Variants in NAP1L4 observed in about 807,000 individuals in gnomAD.
NAP1L4 encodes nucleosome assembly protein 1 like 4.
Under a neutral mutation model 58.2 loss-of-function variants are expected in NAP1L4, and 15 were observed. That is an observed-to-expected ratio of 0.26 (90% CI 0.17 to 0.40). NAP1L4 has a LOEUF of 0.40. Among genes scored for constraint, NAP1L4 ranks in the 10% least tolerant of loss-of-function variants. The probability of loss-of-function intolerance (pLI) is 1.00; values close to 1 mark genes in which losing one functional copy is unlikely to be tolerated. For missense variants in NAP1L4, 384 were observed against 451.1 expected (o/e 0.85, Z 1.35); for synonymous variants, 171 against 155.6 (o/e 1.10, Z -0.74).
rs1564990154 is a variant in NAP1L4 at position 2,981,418 on chromosome 11, C to CCAAA, written c.-17-2182_-17-2181insTTTG. ...GGACAACAGAGCAAGTACCCTGTCT[C>CCAAA]AAAAAAAAAAAAAAAAAAAAAAAAA... is the stretch of plus-strand genomic sequence containing the variant. On this transcript the variant is annotated intron_variant, in intron 1 of 15. Coordinates refer to ENST00000380542, the MANE Select transcript of NAP1L4 (RefSeq NM_005969.4). Among the ~76,000 whole-genome samples, 3 of 41,284 alleles carry CCAAA rather than the reference C, an allele frequency of 7.3e-5. 1 individual carries two copies. The highest frequency in any genetic ancestry group is 6.4e-5 in the African/African-American group (1 of 15,706). 27.1% of individuals were successfully genotyped at this position (41,284 alleles called of 152,430 possible). A position where few individuals can be genotyped will look rare whatever the true frequency, so the allele number is the denominator to read the frequency against.
chr11:2,964,970 A>G (rs1847175817), intron 7 of NAP1L4, among the ~76,000 whole-genome samples: 1 of 152,194 alleles, frequency 6.6e-6, no homozygotes, highest in African/African-American at 2.4e-5. Context: ...CCTAGTGTGG[A>G]GCAACGGTGG....
intron 10 of NAP1L4, 75 bp downstream of exon 10, chr11:2,958,324 G>A: frequency 7.6e-6 from 11 of 1,449,630 alleles, no homozygotes; most frequent in Non-Finnish European, 1.1e-5. Context: ...AAGTCTCTGG[G>A]TGTTAGGAAT....
intron 10 of NAP1L4, 165 bp downstream of exon 10, chr11:2,958,234 C>T (rs188748403): frequency 1.3e-6 from 1 of 743,028 alleles, no homozygotes; most frequent in East Asian, 2.7e-5. Context: ...CCGCGATAAA[C>T]TTGCCAGCGC....
Position 2,955,676 on chromosome 11 carries a change from T to C in NAP1L4, c.915+68A>G, listed in dbSNP as rs966846884. On this transcript the variant is annotated intron_variant, in intron 11 of 15. Coordinates refer to ENST00000380542, the MANE Select transcript of NAP1L4 (RefSeq NM_005969.4). This position sits in a 1 kb window ranked among gnomAD's most constrained non-coding sequence, Gnocchi z 4.2. ...CCAGGACTGGACTTTTTTTAACAAG[T>C]AGACAAGTAGACATTCACTCAGGAG... 46 of 1,486,974 alleles carry C rather than the reference T, an allele frequency of 3.1e-5. No individual in the cohort carries two copies. The highest frequency in any genetic ancestry group is 3.6e-5 in the Non-Finnish European group (39 of 1,076,980). The allele number at this position is 1,486,974 out of a possible 1,614,324, so 92.1% of individuals were successfully genotyped here. A position where few individuals can be genotyped will look rare whatever the true frequency, so the allele number is the denominator to read the frequency against.
chr11:2,966,349 C>G (rs1847277100), intron 7 of NAP1L4, among the ~76,000 whole-genome samples: 1 of 152,196 alleles, frequency 6.6e-6, no homozygotes, highest in Non-Finnish European at 1.5e-5. Flanking sequence ...TAGCCACATT[C>G]ACCCTACAGT....
chr11:2,947,315 A>T lies in NAP1L4; in HGVS notation c.*33-1669T>A, dbSNP rs557945347. On this transcript the variant is annotated intron_variant, in intron 15 of 15. Coordinates refer to ENST00000380542, the MANE Select transcript of NAP1L4 (RefSeq NM_005969.4). ...TATTCATCTGTCCTAAATAAAACCA[A>T]TATCCTGGGTGAAGACTGCTAGAGG... is the stretch of plus-strand genomic sequence containing the variant. Among the ~76,000 whole-genome samples, 25 of 152,362 alleles carry T rather than the reference A, an allele frequency of 1.6e-4. No homozygotes were observed. The East Asian group carries it at 4.8e-3, about 29-fold the overall frequency.
At chr11:2,966,095 C>A (rs1847260551) in intron 7 of NAP1L4, among the ~76,000 whole-genome samples, 2 of 152,210 alleles carry the variant, frequency 1.3e-5, no homozygotes, top group African/African-American at 4.8e-5. Flanking sequence ...ACATGGCAGT[C>A]ACTTCTTTAC....
intron 4 of NAP1L4, 38 bp downstream of exon 4, chr11:2,975,986 C>G: frequency 6.5e-7 from 1 of 1,535,052 alleles, no homozygotes; most frequent in Non-Finnish European, 8.9e-7. Flanking sequence ...CCTTTTGTTT[C>G]TCCAAATTGC....
At chr11:2,963,572 T>G (rs1847079427) in intron 8 of NAP1L4, among the ~76,000 whole-genome samples, 1 of 152,130 alleles carries the variant, frequency 6.6e-6, no homozygotes, top group African/African-American at 2.4e-5. Flanking sequence ...TACAGGTACA[T>G]CCACTGCCCA....
intron 4 of NAP1L4, among the ~76,000 whole-genome samples, chr11:2,974,432 C>G (rs1446084450): frequency 6.6e-6 from 1 of 152,190 alleles, no homozygotes; most frequent in Non-Finnish European, 1.5e-5. Flanking sequence ...CCCCACCAAC[C>G]CAGTTTCTAA....
chr11:2,966,347 T>C (rs1847276960), intron 7 of NAP1L4, among the ~76,000 whole-genome samples: 1 of 152,184 alleles, frequency 6.6e-6, no homozygotes, highest in African/African-American at 2.4e-5. Context: ...GTTAGCCACA[T>C]TCACCCTACA....
intron 6 of NAP1L4, among the ~76,000 whole-genome samples, chr11:2,970,847 C>T (rs112807409): frequency 0.039 from 1,885 of 48,414 alleles, 20 homozygotes; most frequent in Non-Finnish European, 0.053. Context: ...CATCATATAC[C>T]ACCCCCCCCC....
intron 7 of NAP1L4, among the ~76,000 whole-genome samples, chr11:2,967,629 A>G (rs1285486791): frequency 6.7e-6 from 1 of 149,812 alleles, no homozygotes; most frequent in African/African-American, 2.5e-5. Flanking sequence ...AAAAAAGAAA[A>G]TATTGTTAAA....
At chr11:2,975,557 C>A (rs139886428) in intron 4 of NAP1L4, among the ~76,000 whole-genome samples, 2 of 152,022 alleles carry the variant, frequency 1.3e-5, no homozygotes, top group South Asian at 4.2e-4. Context: ...ACAGTGAGAC[C>A]CCATCTTTTT....
chr11:2,965,422 C>A (rs1294636785), intron 7 of NAP1L4, among the ~76,000 whole-genome samples: 1 of 152,212 alleles, frequency 6.6e-6, no homozygotes, highest in African/African-American at 2.4e-5. Context: ...TGTATCTAAA[C>A]ACAGAGAAGG....
At chr11:2,969,186 T>C (rs900903185) in intron 7 of NAP1L4, among the ~76,000 whole-genome samples, 3 of 152,006 alleles carry the variant, frequency 2.0e-5, no homozygotes, top group African/African-American at 4.8e-5. Flanking sequence ...AGATGGGATT[T>C]CGCGATGCTG....
chr11:2,964,788 T>C (rs1564980331), intron 7 of NAP1L4, 37 bp from the exon 8 acceptor site: 9 of 1,494,064 alleles, frequency 6.0e-6, no homozygotes, highest in Non-Finnish European at 7.4e-6. Context: ...AACAGGCTTT[T>C]AAAAAAACAA....
intron 8 of NAP1L4, among the ~76,000 whole-genome samples, chr11:2,962,532 ATAAT>A (rs1185282361): frequency 1.3e-5 from 2 of 152,246 alleles, no homozygotes; most frequent in Non-Finnish European, 2.9e-5. Context: ...ACGCTTCATA[ATAAT>A]TTTACAAAGG....
intron 1 of NAP1L4, chr11:2,990,813 A>T: frequency 4.6e-6 from 1 of 219,104 alleles, no homozygotes; most frequent in South Asian, 5.5e-5. Context: ...TAACACACGC[A>T]AACAGGCTGA....
Sources: allele counts gnomAD v4.1 joint callset (sites outside exome capture counted in the v4.1 genomes callset), GRCh38; gene constraint gnomAD v4.1.1; non-coding constraint Gnocchi (gnomAD v3.1); transcripts MANE v1.5; gene names NCBI Gene and HGNC (gene_info 2026-07-23, HGNC 2026-07-21).